The following PHF24 variants were observed in gnomAD, a reference collection of about 807,000 sequenced individuals.
PHF24 encodes the protein Galpha inhibitory interacting protein.
Under a neutral mutation model 42.6 loss-of-function variants are expected in PHF24, and 25 were observed. The observed-to-expected ratio is 0.59, with a 90% confidence interval of 0.43 to 0.82. The LOEUF (loss-of-function observed/expected upper bound fraction) is 0.82, where lower values mean the gene tolerates loss of function less well. PHF24 is among the 40% of genes least tolerant of loss of function. The pLI, the probability that PHF24 is intolerant of heterozygous loss-of-function variation, is 0.00. For missense variants in PHF24, 470 were observed against 538.1 expected (o/e 0.87, Z 1.25); for synonymous variants, 185 against 204.8 (o/e 0.90, Z 0.83).
In PHF24 at chr9:34,961,159, T is replaced by C. The variant is rs552773300; in HGVS notation, c.-5+2758T>C. On this transcript the variant is annotated intron_variant, in intron 1 of 7. Coordinates refer to ENST00000242315, the Ensembl canonical transcript of PHF24. ...AGTGAATCACATTCATGCAAATAGT[T>C]TCCCTTCTCTTTAGCTACAGAATCT... 4.6e-5 allele frequency among the ~76,000 whole-genome samples: 7 copies of C among 152,344 alleles called. No homozygotes were observed. The East Asian group carries it at 1.3e-3, about 29-fold the overall frequency.
At chr9:34,858,963 C>T in the PHF24 span, among the ~76,000 whole-genome samples, 4 of 152,168 alleles carry the variant, frequency 2.6e-5, no homozygotes, top group Non-Finnish European at 5.9e-5. Context: ...AAGTTCTTTA[C>T]TAATTAGGTA....
the PHF24 span, among the ~76,000 whole-genome samples, chr9:34,948,223 A>C: frequency 6.6e-6 from 1 of 152,064 alleles, no homozygotes. Flanking sequence ...ATGTTATTAC[A>C]AGAGTAAAGA....
chr9:34,769,896 G>C, the PHF24 span, among the ~76,000 whole-genome samples: 1 of 151,936 alleles, frequency 6.6e-6, no homozygotes, highest in African/African-American at 2.4e-5. Context: ...TCATATACTT[G>C]GGTTAACTTC....
chr9:34,732,528 T>C, the PHF24 span, among the ~76,000 whole-genome samples: 1 of 152,218 alleles, frequency 6.6e-6, no homozygotes, highest in Non-Finnish European at 1.5e-5. Flanking sequence ...CTTGTCCAGA[T>C]GAATAGTTTG....
chr9:34,706,609 C>A, the PHF24 span, among the ~76,000 whole-genome samples: 2 of 152,196 alleles, frequency 1.3e-5, no homozygotes, highest in Non-Finnish European at 2.9e-5. Context: ...CAGTCATGAT[C>A]TGATGGAATA....
the PHF24 span, among the ~76,000 whole-genome samples, chr9:34,881,732 C>CA: frequency 5.3e-5 from 8 of 151,690 alleles, 1 homozygote; most frequent in South Asian, 6.3e-4. Flanking sequence ...GCCTACCAAC[C>CA]AAAAAAAAGT....
the PHF24 span, chr9:34,917,194 C>A: frequency 6.9e-7 from 1 of 1,454,012 alleles, no homozygotes; most frequent in Non-Finnish European, 9.6e-7. Flanking sequence ...TCAGCATGTT[C>A]CCACTTAAAT....
At chr9:34,816,257 G>C in the PHF24 span, among the ~76,000 whole-genome samples, 1 of 152,072 alleles carries the variant, frequency 6.6e-6, no homozygotes, top group Non-Finnish European at 1.5e-5. Flanking sequence ...TGTTCTCACT[G>C]GATTAAAGCA....
chr9:34,778,498 T>G, the PHF24 span, among the ~76,000 whole-genome samples: 1 of 152,118 alleles, frequency 6.6e-6, no homozygotes, highest in East Asian at 1.9e-4. Context: ...CAAAATAGAC[T>G]TTAAGACAAA....
chr9:34,711,028 A>AC, the PHF24 span, among the ~76,000 whole-genome samples: 279 of 152,326 alleles, frequency 1.8e-3, no homozygotes, highest in Non-Finnish European at 3.2e-3. Flanking sequence ...TAAACTGATA[A>AC]CAACCTAGTT....
the PHF24 span, chr9:34,725,723 C>A: frequency 7.1e-6 from 11 of 1,546,260 alleles, no homozygotes; most frequent in Admixed American, 2.2e-4. Flanking sequence ...GATCTGAGCT[C>A]GTTGATGGTC....
the PHF24 span, among the ~76,000 whole-genome samples, chr9:34,829,070 A>G: frequency 5.3e-5 from 8 of 152,180 alleles, no homozygotes; most frequent in Non-Finnish European, 8.8e-5. Context: ...TACTGCAGTA[A>G]TGGTAGCAGT....
chr9:34,693,589 T>C, the PHF24 span, among the ~76,000 whole-genome samples: 2 of 152,168 alleles, frequency 1.3e-5, no homozygotes, highest in Non-Finnish European at 2.9e-5. Flanking sequence ...GACTCTGATA[T>C]GTGCTAAAGT....
At chr9:34,928,082 G>A in the PHF24 span, among the ~76,000 whole-genome samples, 6 of 152,092 alleles carry the variant, frequency 3.9e-5, no homozygotes, top group Admixed American at 6.6e-5. Context: ...CAGGCATGGT[G>A]GAGAGTGCCT....
chr9:34,881,422 G>A, the PHF24 span, among the ~76,000 whole-genome samples: 2 of 152,124 alleles, frequency 1.3e-5, no homozygotes, highest in African/African-American at 2.4e-5. Context: ...GAATCCAGGA[G>A]CTGGTTTTTT....
intron 5 of PHF24, 114 bp downstream of exon 5, chr9:34,976,854 G>T: frequency 1.0e-6 from 1 of 1,004,698 alleles, no homozygotes; most frequent in Non-Finnish European, 1.5e-6. Flanking sequence ...CAAGTATCAG[G>T]AATGGGCTCA....
At chr9:34,687,204 A>G in the PHF24 span, among the ~76,000 whole-genome samples, 1 of 152,172 alleles carries the variant, frequency 6.6e-6, no homozygotes, top group Non-Finnish European at 1.5e-5. Context: ...CCAGGCTTCC[A>G]GGGTCAATTG....
the PHF24 span, among the ~76,000 whole-genome samples, chr9:34,767,300 C>CTT: frequency 1.3e-5 from 2 of 152,234 alleles, no homozygotes; most frequent in East Asian, 3.9e-4. Context: ...GTGCCCTTCC[C>CTT]CCAGAGGTGG....
At chr9:34,720,896 G>A in the PHF24 span, among the ~76,000 whole-genome samples, 2 of 152,114 alleles carry the variant, frequency 1.3e-5, no homozygotes, top group African/African-American at 4.8e-5. Context: ...GGACCTAACA[G>A]AAACTTTCCA....
Sources: allele counts gnomAD v4.1 joint callset (sites outside exome capture counted in the v4.1 genomes callset), GRCh38; gene constraint gnomAD v4.1.1; transcripts MANE v1.5; gene names NCBI Gene and HGNC (gene_info 2026-07-23, HGNC 2026-07-21).